UNC13B: variants seen among roughly 807,000 people sequenced by gnomAD.
The protein encoded by UNC13B is protein unc-13 homolog B.
UNC13B carries 144 observed loss-of-function variants against 211.0 expected under a neutral mutation model. That is an observed-to-expected ratio of 0.68 (90% CI 0.60 to 0.78). UNC13B has a LOEUF of 0.78. Among genes scored for constraint, UNC13B ranks in the 30% least tolerant of loss-of-function variants. The pLI, the probability that UNC13B is intolerant of heterozygous loss-of-function variation, is 0.00. For missense variants in UNC13B, 1,777 were observed against 2,002.0 expected, an observed-to-expected ratio of 0.89 and a Z score of 2.14; for synonymous variants, 709 against 725.8, an observed-to-expected ratio of 0.98 and a Z score of 0.37.
intron 6 of UNC13B, among the ~76,000 whole-genome samples, chr9:35,249,768 C>G (rs1311747163): frequency 3.9e-5 from 6 of 152,310 alleles, no homozygotes; most frequent in East Asian, 1.9e-4. Context: ...CCCGACCTTT[C>G]TCTCTGGCTG....
intron 11 of UNC13B, among the ~76,000 whole-genome samples, chr9:35,345,583 T>C (rs1198831070): frequency 2.3e-4 from 35 of 152,192 alleles, no homozygotes; most frequent in Non-Finnish European, 1.5e-5. Flanking sequence ...AAAACTGGAC[T>C]AAATGAGCCA....
At chr9:35,271,375 G>T (rs1420550682) in intron 7 of UNC13B, among the ~76,000 whole-genome samples, 3 of 152,152 alleles carry the variant, frequency 2.0e-5, no homozygotes, top group Admixed American at 1.3e-4. Context: ...CTTTTTGCAT[G>T]CTTGAGCCTC....
chr9:35,223,830 T>C (rs1824692830), intron 1 of UNC13B, among the ~76,000 whole-genome samples: 1 of 152,224 alleles, frequency 6.6e-6, no homozygotes, highest in Admixed American at 6.5e-5. Context: ...TTTGAGTTGA[T>C]TTTTGTGATA....
At chr9:35,299,995 CAT>C (rs1829593407) in intron 8 of UNC13B, among the ~76,000 whole-genome samples, 169 bp from the exon 9 acceptor site, 1 of 151,932 alleles carries the variant, frequency 6.6e-6, no homozygotes, top group Admixed American at 6.6e-5. Flanking sequence ...AAAATAATAA[CAT>C]AAACTTGAAG....
intron 11 of UNC13B, among the ~76,000 whole-genome samples, chr9:35,327,011 C>T (rs1057010862): frequency 3.3e-5 from 5 of 152,112 alleles, no homozygotes; most frequent in African/African-American, 1.2e-4. Context: ...ACTCCTGTTC[C>T]TTTTTAATTT....
rs1829658131 is a variant in UNC13B, at chr9:35,301,084, G to A, written c.1680G>A (p.Lys560=). Residue 560 remains lysine, a synonymous_variant, in exon 9 of 40, where the codon AAG becomes AAA. Transcript: ENST00000635942. ...AGCATCTAACAAACTCTGTGGAAAA[G>A]TTGGTTTCCTTAGTTCCAGAAAAAA... ...GTKHLTNSVE[K]LVSLVPEKTE... is the part of the protein sequence containing the mutation. 1 of 398,774 alleles carries A rather than the reference G, an allele frequency of 2.5e-6. No homozygotes were observed. Among genetic ancestry groups the A allele is most frequent in the Admixed American group, 4.4e-5 (1 of 22,698 alleles). The allele number at this position is 398,774 out of a possible 1,614,324, so 24.7% of individuals were successfully genotyped here.
chr9:35,249,541 G>A (rs1003288980), intron 6 of UNC13B, among the ~76,000 whole-genome samples: 1 of 152,046 alleles, frequency 6.6e-6, no homozygotes, highest in African/African-American at 2.4e-5. Context: ...GCTCTTGTAG[G>A]GCATGCCTGG....
intron 1 of UNC13B, among the ~76,000 whole-genome samples, chr9:35,180,537 C>A (rs995998488): frequency 9.2e-5 from 14 of 151,672 alleles, no homozygotes; most frequent in African/African-American, 3.4e-4. Context: ...CTATTTCAGT[C>A]GGTGTGAATT....
rs1836566262 is a variant in UNC13B, at chr9:35,404,725, G to A, written c.*692G>A. Reference sequence around the variant, plus strand: ...ATATTTCTTTGGACCCCAGGCACTAGGGGCCACCTGCCTGGGAGTCTCCCT... The same window carrying A: ...ATATTTCTTTGGACCCCAGGCACTAAGGGCCACCTGCCTGGGAGTCTCCCT... On this transcript the variant is annotated 3_prime_UTR_variant, in exon 40 of 40. Coordinates refer to ENST00000635942, the MANE Select transcript of UNC13B (RefSeq NM_001371189.2). 6.6e-6 allele frequency: 1 copy of A among 152,598 alleles called. No individual in the cohort carries two copies. Among genetic ancestry groups the A allele is most frequent in the Non-Finnish European group, 1.5e-5 (1 of 68,152 alleles). The allele number at this position is 152,598 out of a possible 1,614,324, so 9.5% of individuals were successfully genotyped here. A position where few individuals can be genotyped will look rare whatever the true frequency, so the allele number is the denominator to read the frequency against.
In UNC13B at chr9:35,301,462, T is replaced by G. The variant is rs945839019; in HGVS notation, c.2058T>G (p.Val686=). 8 of 398,186 alleles carry G rather than the reference T, an allele frequency of 2.0e-5. No homozygotes were observed. Among genetic ancestry groups the G allele is most frequent in the Non-Finnish European group, 3.5e-5 (8 of 225,788 alleles). 24.7% of individuals were successfully genotyped at this position (398,186 alleles called of 1,614,324 possible). A position where few individuals can be genotyped will look rare whatever the true frequency, so the allele number is the denominator to read the frequency against. The change falls in exon 9 of 40, where the codon GTT becomes GTG. Residue 686 remains valine (V), a synonymous_variant. Transcript: ENST00000635942. ...QSKPPRKESF[V]ECGLELNKRE... ...AGCCACCAAGAAAAGAAAGCTTTGT[T>G]GAGTGTGGTTTGGAGTTAAATAAAA...
Position 35,305,355 on chromosome 9 carries a change from C to T in UNC13B, c.5951C>T (p.Thr1984Ile), listed in dbSNP as rs1587581702. ...TCTGGTGTTTCAAATTTTTGGGGTA[C>T]CCTTGGGGATTTCTTTAAAGCCAAT... ...ESSGVSNFWG[T>I]LGDFFKANVS... is the part of the protein sequence containing the mutation. Residue 1984 changes from threonine to isoleucine, a missense_variant, in exon 9 of 40, where the codon ACC becomes ATC. Physicochemically the swap from Thr to Ile is moderately conservative, Grantham distance 89. Transcript: ENST00000635942. The T allele has an allele frequency of 2.5e-6, 1 of 398,836 alleles. No individual in the cohort carries two copies. Among genetic ancestry groups the T allele is most frequent in the East Asian group, 3.6e-5 (1 of 28,066 alleles). 24.7% of individuals were successfully genotyped at this position (398,836 alleles called of 1,614,324 possible).
chr9:35,248,359 G>A (rs1340484651), intron 6 of UNC13B, among the ~76,000 whole-genome samples: 1 of 152,086 alleles, frequency 6.6e-6, no homozygotes, highest in Non-Finnish European at 1.5e-5. Flanking sequence ...ATGTCCTTCA[G>A]TTCTGCTCTG....
chr9:35,398,280 G>A lies in UNC13B; in HGVS notation c.11824G>A (p.Gly3942Ser). The change falls in exon 31 of 40, where the codon GGC becomes AGC. Residue 3942 changes from glycine to serine, a missense_variant. Transcript: ENST00000635942. ...GGAGAAAATGTTTGAGGCCATGGGAGGCAAGGAGGTAGGTCTTAGGGTTTG... is the reference window on the plus strand; with the variant it reads ...GGAGAAAATGTTTGAGGCCATGGGAAGCAAGGAGGTAGGTCTTAGGGTTTG... The part of the protein sequence containing the change: ...QLEKMFEAMG[G>S]KELDLEAADS... 6.2e-7 allele frequency: 1 copy of A among 1,613,902 alleles called. No homozygotes were observed. The highest frequency in any genetic ancestry group is 2.2e-5 in the East Asian group (1 of 44,884).
At chr9:35,196,762 C>CTATT (rs1738151870) in intron 1 of UNC13B, among the ~76,000 whole-genome samples, 2 of 152,164 alleles carry the variant, frequency 1.3e-5, no homozygotes, top group East Asian at 1.9e-4. Context: ...TTTTAAAAAT[C>CTATT]TATTTATTTA....
chr9:35,172,914 A>G (rs1325953249), intron 1 of UNC13B, among the ~76,000 whole-genome samples: 1 of 152,194 alleles, frequency 6.6e-6, no homozygotes, highest in Non-Finnish European at 1.5e-5. Context: ...TAGGTTTCCA[A>G]AAAGAAGAGT....
intron 37 of UNC13B, chr9:35,402,058 C>G: frequency 6.6e-7 from 1 of 1,525,712 alleles, no homozygotes; most frequent in Non-Finnish European, 8.9e-7. Flanking sequence ...AACACTGACC[C>G]CTGGGAGCTA....
intron 4 of UNC13B, 73 bp from the exon 5 acceptor site, chr9:35,237,630 A>G (rs1234963695): frequency 1.3e-6 from 2 of 1,579,082 alleles, no homozygotes; most frequent in South Asian, 1.2e-5. Context: ...AACTTCAGAG[A>G]AAAAAACCTG....
At position 35,403,839 on chromosome 9, in the gene UNC13B, C is replaced by T. The variant is rs1343858616; in HGVS notation, c.12829C>T (p.Leu4277=). The change falls in exon 40 of 40, where the codon CTG becomes TTG. Residue 4277 remains leucine (L), a synonymous_variant. Coordinates refer to ENST00000635942, the MANE Select transcript of UNC13B (RefSeq NM_001371189.2). ...CFAREDRVLG[L]AVMPLRDVTA... is the part of the protein sequence containing the mutation. ...TGCCCGGGAAGATCGCGTGCTAGGG[C>T]TGGCTGTGATGCCTCTGAGGGATGT... The T allele has an allele frequency of 6.2e-7, 1 of 1,614,194 alleles. No individual in the cohort carries two copies.
chr9:35,401,983 A>G (rs1284010711), intron 37 of UNC13B: 33 of 1,550,688 alleles, frequency 2.1e-5, no homozygotes, highest in Non-Finnish European at 2.9e-5. Context: ...ATTTACTGCT[A>G]ATGAGGACAT....
Sources: allele counts gnomAD v4.1 joint callset (sites outside exome capture counted in the v4.1 genomes callset), GRCh38; gene constraint gnomAD v4.1.1; transcripts MANE v1.5; gene names NCBI Gene and HGNC (gene_info 2026-07-23, HGNC 2026-07-21).